EEPD1: variants seen among roughly 807,000 people sequenced by gnomAD.
EEPD1 encodes endonuclease/exonuclease/phosphatase family domain-containing protein 1.
A neutral mutation model predicts 46.3 loss-of-function variants in EEPD1; 17 were observed. That is an observed-to-expected ratio of 0.37 (90% CI 0.25 to 0.55). The LOEUF (loss-of-function observed/expected upper bound fraction) is 0.55, where lower values mean the gene tolerates loss of function less well. Among genes scored for constraint, EEPD1 ranks in the 20% least tolerant of loss-of-function variants. The pLI, the probability that EEPD1 is intolerant of heterozygous loss-of-function variation, is 0.83. For synonymous variants in EEPD1, 313 were observed against 315.6 expected, an observed-to-expected ratio of 0.99 and a Z score of 0.09; for missense variants, 673 against 745.6, an observed-to-expected ratio of 0.90 and a Z score of 1.13.
chr7:36,273,904 ATTGCTCACTGAGCCT>A (rs1787148116), intron 3 of EEPD1, among the ~76,000 whole-genome samples: 1 of 152,184 alleles, frequency 6.6e-6, no homozygotes, highest in Admixed American at 6.5e-5. Flanking sequence ...GAAAAGGATA[ATTGCTCACTGAGCCT>A]TTAAGTGACC....
chr7:36,169,127 C>T (rs1298703209), intron 2 of EEPD1, among the ~76,000 whole-genome samples: 2 of 152,136 alleles, frequency 1.3e-5, no homozygotes, highest in Non-Finnish European at 2.9e-5. Flanking sequence ...AGGTGATGGA[C>T]GTTTGGGTTG....
intron 3 of EEPD1, among the ~76,000 whole-genome samples, chr7:36,257,071 G>A (rs941002463): frequency 2.0e-5 from 3 of 152,046 alleles, no homozygotes; most frequent in African/African-American, 4.8e-5. Context: ...TTTCTCCTTC[G>A]CTTATGAAGC....
intron 2 of EEPD1, among the ~76,000 whole-genome samples, chr7:36,200,085 T>A (rs1785688817): frequency 7.2e-6 from 1 of 139,706 alleles, no homozygotes; most frequent in Non-Finnish European, 1.5e-5. Flanking sequence ...GTACTAAGCC[T>A]GGTAGTACCC....
chr7:36,158,298 T>C (rs1235756702), intron 2 of EEPD1, among the ~76,000 whole-genome samples: 1 of 152,126 alleles, frequency 6.6e-6, no homozygotes, highest in Non-Finnish European at 1.5e-5. Flanking sequence ...GCCTCTTGGT[T>C]AGACACCCAT....
intron 3 of EEPD1, among the ~76,000 whole-genome samples, chr7:36,273,954 C>T (rs1318783530): frequency 2.0e-5 from 3 of 152,246 alleles, no homozygotes; most frequent in Non-Finnish European, 4.4e-5. Flanking sequence ...CCTCTTCTCC[C>T]TCCATGAGCT....
At chr7:36,257,619 A>G (rs1255187185) in intron 3 of EEPD1, among the ~76,000 whole-genome samples, 3 of 152,012 alleles carry the variant, frequency 2.0e-5, no homozygotes, top group African/African-American at 4.8e-5. Flanking sequence ...CGATTTGGCT[A>G]TTGATACTTG....
intron 3 of EEPD1, among the ~76,000 whole-genome samples, chr7:36,265,509 G>A (rs941188653): frequency 7.9e-5 from 12 of 152,232 alleles, no homozygotes; most frequent in African/African-American, 2.9e-4. Flanking sequence ...ATTGTAAACT[G>A]CCAGCTTGGT....
rs145337633 is a variant in EEPD1, at chr7:36,154,687, G to A, written c.363G>A (p.Glu121=). Residue 121 remains glutamate, a synonymous_variant, in exon 2 of 8, where the codon GAG becomes GAA. Transcript: ENST00000242108. The surrounding 1 kb of genome is among the most constrained non-coding windows in gnomAD (Gnocchi z 4.2). ...CCCTGCGGCGGGACCTGCTAGCGGAGCAGCAGCCTCACCACCTGGCCACAG... is the reference window on the plus strand; with the variant it reads ...CCCTGCGGCGGGACCTGCTAGCGGAACAGCAGCCTCACCACCTGGCCACAG... ...PSSLRRDLLA[E]QQPHHLATAV... is the part of the protein sequence containing the mutation. The A allele has an allele frequency of 5.0e-4, 803 of 1,613,454 alleles. 5 individuals carry two copies. The African/African-American group carries it at 9.7e-3, about 19-fold the overall frequency.
chr7:36,285,245 A>T (rs919656882), intron 5 of EEPD1, among the ~76,000 whole-genome samples: 1 of 152,172 alleles, frequency 6.6e-6, no homozygotes, highest in African/African-American at 2.4e-5. Flanking sequence ...CTGGTTCACA[A>T]GGCCAGGTGT....
chr7:36,197,186 G>A (rs1227460802), intron 2 of EEPD1, among the ~76,000 whole-genome samples: 4 of 150,902 alleles, frequency 2.7e-5, no homozygotes, highest in South Asian at 2.1e-4. Context: ...CTGCCACCCC[G>A]TCTGGGAAGT....
intron 3 of EEPD1, among the ~76,000 whole-genome samples, chr7:36,274,556 T>G (rs1185064423): frequency 6.6e-6 from 1 of 152,206 alleles, no homozygotes; most frequent in African/African-American, 2.4e-5. Context: ...TGACTTTCAT[T>G]TTTATTTTAA....
At chr7:36,267,393 C>T (rs1226176973) in intron 3 of EEPD1, among the ~76,000 whole-genome samples, 4 of 152,192 alleles carry the variant, frequency 2.6e-5, no homozygotes, top group African/African-American at 9.7e-5. Flanking sequence ...TGTGCCACAG[C>T]CACACTGGCC....
Position 36,231,950 on chromosome 7 carries a change from G to A in EEPD1, c.879-7035G>A, listed in dbSNP as rs149127734. 5.6e-4 allele frequency among the ~76,000 whole-genome samples: 85 copies of A among 152,204 alleles called. 1 individual carries two copies. In the East Asian group the frequency reaches 0.011, roughly 20 times the overall value. The stretch of plus-strand genomic sequence containing the variant: ...TCCAATAAGGTTAGAAATAAAATCA[G>A]GACAGTTATATAACAGGAAGCACCT... On this transcript the variant is annotated intron_variant, in intron 2 of 7. Coordinates refer to ENST00000242108, the MANE Select transcript of EEPD1 (RefSeq NM_030636.3).
intron 2 of EEPD1, among the ~76,000 whole-genome samples, chr7:36,229,917 C>T (rs1210122750): frequency 6.6e-6 from 1 of 152,046 alleles, no homozygotes; most frequent in Non-Finnish European, 1.5e-5. Context: ...ACCATCCTCC[C>T]GCTCCTGATG....
chr7:36,288,114 G>A (rs1326059357), intron 6 of EEPD1, among the ~76,000 whole-genome samples: 2 of 152,196 alleles, frequency 1.3e-5, no homozygotes, highest in Non-Finnish European at 2.9e-5. Flanking sequence ...GCATCACTCC[G>A]GTGGTGCCGC....
intron 3 of EEPD1, among the ~76,000 whole-genome samples, chr7:36,247,256 A>T (rs1342298417): frequency 6.6e-6 from 1 of 152,214 alleles, no homozygotes; most frequent in African/African-American, 2.4e-5. Context: ...GAGGATGATA[A>T]GCCATTTTCA....
chr7:36,254,502 C>T (rs1247331712), intron 3 of EEPD1, among the ~76,000 whole-genome samples: 1 of 152,070 alleles, frequency 6.6e-6, no homozygotes, highest in Non-Finnish European at 1.5e-5. Context: ...ATATATGTGC[C>T]ACGTTTTCTT....
At chr7:36,275,611 G>A (rs966298619) in intron 3 of EEPD1, among the ~76,000 whole-genome samples, 4 of 152,018 alleles carry the variant, frequency 2.6e-5, no homozygotes, top group East Asian at 1.9e-4. Flanking sequence ...CACGCCTGGT[G>A]TGTATTTTGT....
At chr7:36,224,331 G>A (rs138307138) in intron 2 of EEPD1, among the ~76,000 whole-genome samples, 97 of 152,298 alleles carry the variant, frequency 6.4e-4, no homozygotes, top group African/African-American at 2.2e-3. Flanking sequence ...AGGTGGGTAT[G>A]AGAAGGAGAG....
Sources: gnomAD v4.1 joint callset for allele counts (sites outside exome capture counted in the v4.1 genomes callset) on GRCh38, gnomAD v4.1.1 for gene constraint, Gnocchi (gnomAD v3.1) non-coding constraint, MANE v1.5 for transcripts, NCBI Gene and HGNC (gene_info 2026-07-23, HGNC 2026-07-21) for gene names.